SLC9A8: variants seen among roughly 807,000 people sequenced by gnomAD.
The protein encoded by SLC9A8 is solute carrier family 9 member A8, also known as sodium/hydrogen exchanger 8.
A neutral mutation model predicts 66.6 loss-of-function variants in SLC9A8; 48 were observed. That is an observed-to-expected ratio of 0.72 (90% CI 0.57 to 0.92). SLC9A8 has a LOEUF of 0.92. Ranked by LOEUF, SLC9A8 falls within the 40% of genes least tolerant of loss-of-function variation. The pLI, the probability that SLC9A8 is intolerant of heterozygous loss-of-function variation, is 0.00. For missense variants in SLC9A8, 599 were observed against 747.3 expected (o/e 0.80, Z 2.31); for synonymous variants, 274 against 282.6 (o/e 0.97, Z 0.31).
At chr20:49,846,289 TA>T (rs2087986411) in intron 5 of SLC9A8, among the ~76,000 whole-genome samples, 1 of 152,122 alleles carries the variant, frequency 6.6e-6, no homozygotes, top group Non-Finnish European at 1.5e-5. Flanking sequence ...ATACTAGTAT[TA>T]ATAATACAGC....
At chr20:49,834,469 G>GTATA (rs148411294) in intron 3 of SLC9A8, among the ~76,000 whole-genome samples, 2 of 70,582 alleles carry the variant, frequency 2.8e-5, no homozygotes, top group South Asian at 3.7e-4. Context: ...TATATACTGT[G>GTATA]TATATATATA....
intron 7 of SLC9A8, among the ~76,000 whole-genome samples, chr20:49,851,964 A>G (rs1286949316): frequency 6.6e-6 from 1 of 152,230 alleles, no homozygotes; most frequent in East Asian, 1.9e-4. Flanking sequence ...GAATTGAATC[A>G]GTGGTTGGGA....
In SLC9A8 at chr20:49,828,848, G is replaced by GTAATAA. The variant is rs60945627; in HGVS notation, c.289+5724_289+5729dup. Among the ~76,000 whole-genome samples the GTAATAA allele has an allele frequency of 4.6e-4, 69 of 149,850 alleles. No homozygotes were observed. In the South Asian group the frequency reaches 0.011, roughly 24 times the overall value. On this transcript the variant is annotated intron_variant, in intron 3 of 15. Coordinates refer to ENST00000361573, the MANE Select transcript of SLC9A8 (RefSeq NM_015266.3). ...AGTGAGACTCTGTCTCAAATAAATA[G>GTAATAA]TAATAATAATAATAATAATAATGTA...
Position 49,886,947 on chromosome 20 carries a change from C to T in SLC9A8, c.1638+49C>T. 1.3e-6 allele frequency: 2 copies of T among 1,574,858 alleles called. No homozygotes were observed. Among genetic ancestry groups the T allele is most frequent in the Middle Eastern group, 1.7e-4 (1 of 5,890 alleles). On this transcript the variant is annotated intron_variant, in intron 15 of 15. Transcript: ENST00000361573. This position sits in a 1 kb window ranked among gnomAD's most constrained non-coding sequence, Gnocchi z 4.8. ...TTTCTGGGGGTCCCTTGCCTGCCTC[C>T]TTCAGGACCTGCGGTGGCCCAGGGT...
intron 5 of SLC9A8, among the ~76,000 whole-genome samples, chr20:49,846,707 A>C (rs2146596477): frequency 6.6e-6 from 1 of 152,242 alleles, no homozygotes; most frequent in South Asian, 2.1e-4. Context: ...TGAGGCCAGG[A>C]GTTCAAGACC....
At chr20:49,845,014 G>C (rs747591652) in intron 4 of SLC9A8, 22 bp from the exon 5 acceptor site, 49 of 1,545,180 alleles carry the variant, frequency 3.2e-5, no homozygotes, top group Non-Finnish European at 3.4e-5. Flanking sequence ...ATGCCCTTAA[G>C]ATACTCATTT....
intron 10 of SLC9A8, among the ~76,000 whole-genome samples, chr20:49,867,262 T>G (rs74669276): frequency 0.049 from 7,480 of 152,172 alleles, 224 homozygotes; most frequent in Middle Eastern, 0.085. Context: ...ACAATTTTTT[T>G]TGTGTGTGTG....
Position 49,884,017 on chromosome 20 carries a change from C to T in SLC9A8, c.1442C>T (p.Ala481Val). 1 of 1,613,708 alleles carries T rather than the reference C, an allele frequency of 6.2e-7. No individual in the cohort carries two copies. The highest frequency in any genetic ancestry group is 8.5e-7 in the Non-Finnish European group (1 of 1,180,004). The change falls in exon 14 of 16, where the codon GCA becomes GTA. Residue 481 changes from alanine (A) to valine (V), a missense_variant. Transcript: ENST00000361573. Reference protein sequence around the residue: ...IRLMDIEDAKAHRRNKKDVNL... With the variant: ...IRLMDIEDAKVHRRNKKDVNL... ...CTCATGGACATCGAGGACGCCAAGG[C>T]ACACCGCAGGAACAAGAAGGACGTC...
In SLC9A8 at chr20:49,864,836, C is replaced by G; in HGVS notation, c.950C>G (p.Ser317Ter). The G allele has an allele frequency of 6.2e-7, 1 of 1,604,240 alleles. No homozygotes were observed. The highest frequency in any genetic ancestry group is 8.5e-7 in the Non-Finnish European group (1 of 1,170,920). The change falls in exon 10 of 16, where the codon TCA becomes TGA. Residue 317 changes from serine (S) to a stop codon, truncating the protein, a stop_gained. Transcript: ENST00000361573. LOFTEE classifies it high-confidence loss of function. The stretch of plus-strand genomic sequence containing the variant: ...CCTTATGGGCTTGCAGAAGGAATCT[C>G]ACTCTCAGGTAAGTGACAGAGAGCC... ...YLPYGLAEGI[S>*]LSGIMAILFS...
At chr20:49,853,643 TTTC>T (rs1249805318) in intron 7 of SLC9A8, among the ~76,000 whole-genome samples, 1 of 152,220 alleles carries the variant, frequency 6.6e-6, no homozygotes, top group Non-Finnish European at 1.5e-5. Flanking sequence ...CTTCCTTCCC[TTTC>T]TTCTTCCCAC....
intron 3 of SLC9A8, among the ~76,000 whole-genome samples, chr20:49,837,912 A>T (rs963596096): frequency 2.0e-5 from 3 of 152,196 alleles, no homozygotes; most frequent in African/African-American, 2.4e-5. Context: ...AGCTGTTAAA[A>T]GGAATGAAGC....
At chr20:49,887,776 T>C (rs2089942986) in intron 15 of SLC9A8, 53 bp from the exon 16 acceptor site, 1 of 1,416,538 alleles carries the variant, frequency 7.1e-7, no homozygotes, top group Non-Finnish European at 9.7e-7. Context: ...TCCCCTCCCT[T>C]CCATGGCCCT....
At chr20:49,874,906 CT>C in intron 11 of SLC9A8, 85 bp downstream of exon 11, 3 of 921,358 alleles carry the variant, frequency 3.3e-6, no homozygotes, top group Non-Finnish European at 5.4e-6. Context: ...TCAGTTGAGA[CT>C]TTCCCTGGCA....
At chr20:49,815,389 G>C (rs576877362) in intron 2 of SLC9A8, 200 bp downstream of exon 2, 4 of 415,790 alleles carry the variant, frequency 9.6e-6, no homozygotes, top group East Asian at 7.3e-5. Context: ...TGCTTAGCAA[G>C]TTCTGAAGAG....
intron 8 of SLC9A8, among the ~76,000 whole-genome samples, chr20:49,855,821 C>T (rs183122677): frequency 2.1e-3 from 315 of 152,142 alleles, no homozygotes; most frequent in East Asian, 9.1e-3. Flanking sequence ...GACAGGGTCT[C>T]GCTCTGTCAC....
intron 7 of SLC9A8, 93 bp from the exon 8 acceptor site, chr20:49,855,345 T>C: frequency 2.3e-6 from 3 of 1,291,910 alleles, no homozygotes; most frequent in Non-Finnish European, 1.1e-6. Flanking sequence ...GTAGTATTGC[T>C]TTCTGTTAAA....
chr20:49,874,844 C>A, intron 11 of SLC9A8, 23 bp downstream of exon 11: 1 of 1,473,960 alleles, frequency 6.8e-7, no homozygotes, highest in Non-Finnish European at 9.5e-7. Flanking sequence ...TCTGTGTGGC[C>A]GTGAGCAGGC....
At chr20:49,882,568 C>T (rs1332195699) in intron 13 of SLC9A8, among the ~76,000 whole-genome samples, 4 of 152,240 alleles carry the variant, frequency 2.6e-5, no homozygotes, top group Non-Finnish European at 5.9e-5. Context: ...CTGGCCTTCA[C>T]TTCCACCTAG....
rs1039612006 is a variant in SLC9A8 at position 49,838,039 on chromosome 20, G to A, written c.290-1502G>A. ...ATTTTATATAAATAAATACACTCAG[G>A]TGTGCCATGCATACACTTACACACA... is the stretch of plus-strand genomic sequence containing the variant. On this transcript the variant is annotated intron_variant, in intron 3 of 15. Transcript: ENST00000361573. 2.3e-4 allele frequency among the ~76,000 whole-genome samples: 34 copies of A among 150,982 alleles called. 1 individual carries two copies. Among genetic ancestry groups the A allele is most frequent in the Non-Finnish European group, 5.9e-5 (4 of 67,684 alleles).
Sources: gnomAD v4.1 joint callset for allele counts (sites outside exome capture counted in the v4.1 genomes callset) on GRCh38, gnomAD v4.1.1 for gene constraint, Gnocchi (gnomAD v3.1) non-coding constraint, MANE v1.5 for transcripts, NCBI Gene and HGNC (gene_info 2026-07-23, HGNC 2026-07-21) for gene names.